The following KLHL29 variants were observed in gnomAD, a reference collection of about 807,000 sequenced individuals.
The protein encoded by KLHL29 is kelch-like protein 29.
Under a neutral mutation model 80.4 loss-of-function variants are expected in KLHL29, and 21 were observed. The observed-to-expected ratio is 0.26, with a 90% CI of 0.19 to 0.38. The LOEUF is 0.38. Ranked by LOEUF, KLHL29 falls within the 10% of genes least tolerant of loss-of-function variation. KLHL29 has a pLI of 1.00. For synonymous variants in KLHL29, 511 were observed against 526.8 expected, an observed-to-expected ratio of 0.97 and a Z score of 0.41; for missense variants, 867 against 1,223.9, an observed-to-expected ratio of 0.71 and a Z score of 4.35.
At chr2:23,628,058 G>A (rs1402130159) in intron 3 of KLHL29, among the ~76,000 whole-genome samples, 2 of 151,902 alleles carry the variant, frequency 1.3e-5, no homozygotes, top group East Asian at 3.9e-4. Flanking sequence ...GATTACAGGT[G>A]CCTGCCACTG....
chr2:23,697,889 A>C (rs1251585441), intron 11 of KLHL29: 2 of 152,200 alleles, frequency 1.3e-5, no homozygotes, highest in Non-Finnish European at 2.9e-5. Flanking sequence ...ATAATAAACA[A>C]ACACATGAAA....
intron 3 of KLHL29, among the ~76,000 whole-genome samples, chr2:23,582,383 A>G (rs1668009377): frequency 6.6e-6 from 1 of 152,196 alleles, no homozygotes; most frequent in Non-Finnish European, 1.5e-5. Flanking sequence ...TATTATTATT[A>G]TTGTTATTTA....
chr2:23,543,127 T>C (rs561696624), intron 2 of KLHL29, among the ~76,000 whole-genome samples: 19 of 152,264 alleles, frequency 1.2e-4, no homozygotes, highest in African/African-American at 4.1e-4. Context: ...CGTCTGCGCC[T>C]CATCCTCCTC....
At chr2:23,601,463 T>A (rs1355766315) in intron 3 of KLHL29, among the ~76,000 whole-genome samples, 1 of 152,184 alleles carries the variant, frequency 6.6e-6, no homozygotes, top group East Asian at 1.9e-4. Flanking sequence ...AATGTGCATG[T>A]GTATTCAAGC....
intron 5 of KLHL29, among the ~76,000 whole-genome samples, chr2:23,655,591 C>G (rs1239715174): frequency 6.6e-6 from 1 of 152,144 alleles, no homozygotes; most frequent in Non-Finnish European, 1.5e-5. Flanking sequence ...GCATAAATAG[C>G]TCCAGGAAGA....
At chr2:23,536,892 A>G (rs928322171) in intron 2 of KLHL29, among the ~76,000 whole-genome samples, 1 of 41,740 alleles carries the variant, frequency 2.4e-5, no homozygotes, top group South Asian at 1.3e-3. Context: ...GACAGATCTC[A>G]CACACACACA....
chr2:23,517,706 G>A (rs538310167), intron 2 of KLHL29, among the ~76,000 whole-genome samples: 30 of 152,104 alleles, frequency 2.0e-4, no homozygotes, highest in Non-Finnish European at 3.2e-4. Context: ...ATGTGTCGCC[G>A]GAGTCCACTC....
At chr2:23,598,872 G>A (rs1030281) in intron 3 of KLHL29, among the ~76,000 whole-genome samples, 95,460 of 152,082 alleles carry the variant, frequency 0.63, 30,699 homozygotes, top group South Asian at 0.74. Context: ...TGTCCCCCAA[G>A]TCATAGGGGT....
intron 3 of KLHL29, among the ~76,000 whole-genome samples, chr2:23,607,749 A>G (rs1277206663): frequency 6.6e-6 from 1 of 152,188 alleles, no homozygotes; most frequent in East Asian, 1.9e-4. Flanking sequence ...TCTAGGTTGC[A>G]TGCTCCTTAT....
intron 1 of KLHL29, among the ~76,000 whole-genome samples, chr2:23,440,900 C>A (rs1296376522): frequency 6.6e-6 from 1 of 152,164 alleles, no homozygotes; most frequent in African/African-American, 2.4e-5. Flanking sequence ...ACTAGTTCAA[C>A]CCTTGTGGAA....
chr2:23,546,992 G>A (rs1666994868), intron 2 of KLHL29, among the ~76,000 whole-genome samples: 1 of 152,212 alleles, frequency 6.6e-6, no homozygotes, highest in African/African-American at 2.4e-5. Flanking sequence ...CAGGAGGACA[G>A]CCTGCCAGGG....
chr2:23,453,847 A>G (rs1214284660), intron 1 of KLHL29, among the ~76,000 whole-genome samples: 1 of 152,126 alleles, frequency 6.6e-6, no homozygotes, highest in Non-Finnish European at 1.5e-5. Flanking sequence ...GTAACTTACA[A>G]TGGGCAAACT....
chr2:23,495,062 T>G (rs1665222970), intron 2 of KLHL29, among the ~76,000 whole-genome samples: 1 of 152,212 alleles, frequency 6.6e-6, no homozygotes, highest in South Asian at 2.1e-4. Flanking sequence ...TTTTATTTAT[T>G]TTTTGGAGAC....
chr2:23,646,431 C>T (rs1192178845), intron 5 of KLHL29, among the ~76,000 whole-genome samples: 1 of 152,228 alleles, frequency 6.6e-6, no homozygotes, highest in African/African-American at 2.4e-5. Context: ...TGCAGAAAGG[C>T]TATTGTGTCT....
intron 1 of KLHL29, among the ~76,000 whole-genome samples, chr2:23,407,903 G>GT (rs1196227028): frequency 3.3e-5 from 5 of 151,676 alleles, no homozygotes; most frequent in African/African-American, 1.2e-4. Context: ...TCTTTGTTGG[G>GT]TTTTTTGTTG....
intron 1 of KLHL29, among the ~76,000 whole-genome samples, chr2:23,416,317 C>T (rs753236537): frequency 2.0e-5 from 3 of 152,172 alleles, no homozygotes; most frequent in African/African-American, 4.8e-5. Context: ...CTTGCAGCTG[C>T]GGTTTGGTGG....
chr2:23,691,617 G>T (rs1277534047), intron 6 of KLHL29, 57 bp from the exon 7 acceptor site: 4 of 1,439,760 alleles, frequency 2.8e-6, no homozygotes. Flanking sequence ...GCCCTGTGAG[G>T]AAGCGGCACG....
chr2:23,591,939 T>C (rs879699520), intron 3 of KLHL29, among the ~76,000 whole-genome samples: 3 of 152,266 alleles, frequency 2.0e-5, no homozygotes, highest in Non-Finnish European at 4.4e-5. Context: ...ACCATCTCTT[T>C]CCTGAAGTCT....
intron 2 of KLHL29, among the ~76,000 whole-genome samples, chr2:23,502,889 C>T (rs1316508905): frequency 6.6e-6 from 1 of 152,214 alleles, no homozygotes; most frequent in East Asian, 1.9e-4. Flanking sequence ...CTTTTCAGCC[C>T]TCTCTAGCTG....
Sources: allele counts gnomAD v4.1 joint callset (sites outside exome capture counted in the v4.1 genomes callset), GRCh38; gene constraint gnomAD v4.1.1; transcripts MANE v1.5; gene names NCBI Gene and HGNC (gene_info 2026-07-23, HGNC 2026-07-21).